The following PCNX2 variants were observed in gnomAD, a reference collection of about 807,000 sequenced individuals.
The protein encoded by PCNX2 is pecanex-like protein 2.
Under a neutral mutation model 223.8 loss-of-function variants are expected in PCNX2, and 168 were observed. That is an observed-to-expected ratio of 0.75 (90% CI 0.66 to 0.85). The LOEUF (loss-of-function observed/expected upper bound fraction) is 0.85. Among genes scored for constraint, PCNX2 ranks in the 40% least tolerant of loss-of-function variants. The pLI is 0.00. For missense variants in PCNX2, 2,507 were observed against 2,675.5 expected, an observed-to-expected ratio of 0.94 and a Z score of 1.39; for synonymous variants, 1,006 against 1,052.6, an observed-to-expected ratio of 0.96 and a Z score of 0.86.
intron 23 of PCNX2, among the ~76,000 whole-genome samples, chr1:233,076,267 G>A (rs1271604841): frequency 6.6e-6 from 1 of 152,176 alleles, no homozygotes; most frequent in African/African-American, 2.4e-5. Flanking sequence ...ATGAAGACAT[G>A]TTTATTTCAT....
intron 10 of PCNX2, among the ~76,000 whole-genome samples, chr1:233,220,890 T>C (rs1361956200): frequency 6.6e-6 from 1 of 152,192 alleles, no homozygotes; most frequent in Non-Finnish European, 1.5e-5. Context: ...TTCAGATAGA[T>C]AGCTATAGAG....
At chr1:233,064,568 A>C (rs564875716) in intron 23 of PCNX2, among the ~76,000 whole-genome samples, 2 of 152,146 alleles carry the variant, frequency 1.3e-5, no homozygotes, top group Non-Finnish European at 2.9e-5. Context: ...CCTGGCATAG[A>C]TTTTAAAATG....
At chr1:233,281,948 G>C (rs755073075) in intron 1 of PCNX2, among the ~76,000 whole-genome samples, 2 of 152,126 alleles carry the variant, frequency 1.3e-5, no homozygotes, top group Non-Finnish European at 2.9e-5. Flanking sequence ...CTGATCTTGA[G>C]GGAGGAATAA....
intron 32 of PCNX2, among the ~76,000 whole-genome samples, chr1:232,997,696 C>T (rs887992835): frequency 6.6e-6 from 1 of 152,192 alleles, no homozygotes; most frequent in Non-Finnish European, 1.5e-5. Context: ...TTAGTTTAAA[C>T]ATAATTTTAA....
chr1:233,136,224 C>G (rs531471248), intron 20 of PCNX2, among the ~76,000 whole-genome samples: 1 of 152,274 alleles, frequency 6.6e-6, no homozygotes, highest in Admixed American at 6.5e-5. Context: ...GGGAAAATTT[C>G]TAGAAAATGG....
intron 8 of PCNX2, among the ~76,000 whole-genome samples, chr1:233,246,606 CG>C (rs1348696319): frequency 6.6e-6 from 1 of 152,160 alleles, no homozygotes; most frequent in Non-Finnish European, 1.5e-5. Flanking sequence ...TGTTACTACC[CG>C]AACTACTGAA....
Position 233,233,073 on chromosome 1 carries a change from T to C in PCNX2, c.2358+3772A>G, listed in dbSNP as rs1658166450. 11 of 962,346 alleles carry C rather than the reference T, an allele frequency of 1.1e-5. No homozygotes were observed. The South Asian group carries it at 5.3e-4, about 46-fold the overall frequency. 59.6% of individuals were successfully genotyped at this position (962,346 alleles called of 1,614,324 possible). On this transcript the variant is annotated intron_variant, in intron 9 of 33. Transcript: ENST00000258229. The stretch of plus-strand genomic sequence containing the variant: ...TGCCCTTGGGTAGACTGCACCTGCC[T>C]CTCAACCAGCAGTGTAATAAGCAAA...
At chr1:233,188,546 G>A (rs1016952577) in intron 15 of PCNX2, among the ~76,000 whole-genome samples, 4 of 151,926 alleles carry the variant, frequency 2.6e-5, no homozygotes, top group East Asian at 1.9e-4. Context: ...TTTTTGAGAC[G>A]GAGTCTTGCT....
At chr1:233,226,842 T>C (rs1421985029) in intron 10 of PCNX2, among the ~76,000 whole-genome samples, 5 of 152,172 alleles carry the variant, frequency 3.3e-5, no homozygotes, top group African/African-American at 7.2e-5. Flanking sequence ...CCAGGCCCTG[T>C]GCTACAGATG....
intron 21 of PCNX2, among the ~76,000 whole-genome samples, chr1:233,107,353 A>T (rs893264858): frequency 2.6e-5 from 4 of 152,134 alleles, no homozygotes; most frequent in African/African-American, 7.2e-5. Context: ...AAGCCACTCC[A>T]TTCCAGCCTG....
At chr1:233,166,858 T>C (rs1379967606) in intron 17 of PCNX2, among the ~76,000 whole-genome samples, 3 of 152,016 alleles carry the variant, frequency 2.0e-5, no homozygotes, top group Admixed American at 1.3e-4. Flanking sequence ...AATTTAAAAA[T>C]AGGCCAGGTG....
intron 17 of PCNX2, among the ~76,000 whole-genome samples, chr1:233,171,657 GA>G (rs1003281744): frequency 1.2e-4 from 18 of 152,246 alleles, no homozygotes; most frequent in African/African-American, 3.9e-4. Context: ...GTCTGGTGCG[GA>G]TTCTTTTTTC....
intron 30 of PCNX2, chr1:232,999,602 T>C (rs112177002): frequency 5.3e-4 from 273 of 511,150 alleles, no homozygotes; most frequent in Non-Finnish European, 8.5e-4. Context: ...TACAGGCATG[T>C]GCCAACACAC....
chr1:233,203,107 G>A (rs998553471), intron 13 of PCNX2, among the ~76,000 whole-genome samples: 2 of 152,210 alleles, frequency 1.3e-5, no homozygotes, highest in Admixed American at 6.5e-5. Flanking sequence ...GCTATTGTGT[G>A]TACTAGCACT....
chr1:233,264,306 G>A (rs58118037), intron 1 of PCNX2, among the ~76,000 whole-genome samples: 1,781 of 152,242 alleles, frequency 0.012, 33 homozygotes, highest in African/African-American at 0.04. Context: ...TCAATGATTC[G>A]CAAGACCATT....
At chr1:233,087,077 C>A (rs10752798) in intron 23 of PCNX2, 645,990 of 984,908 alleles carry the variant, frequency 0.66, 212,900 homozygotes, top group African/African-American at 0.68. Context: ...GTTTCAGGAC[C>A]GGCCAGTTCA....
chr1:233,092,943 C>T (rs1391356451), intron 22 of PCNX2, among the ~76,000 whole-genome samples: 6 of 152,222 alleles, frequency 3.9e-5, no homozygotes, highest in Non-Finnish European at 5.9e-5. Context: ...GGTACACAGG[C>T]GCCCACTACC....
chr1:232,998,143 A>G (rs1669942045), intron 32 of PCNX2, 108 bp downstream of exon 32: 4 of 1,195,046 alleles, frequency 3.3e-6, no homozygotes, highest in African/African-American at 1.6e-5. Context: ...TATTGTCCCA[A>G]TGCAAGAAGG....
At chr1:233,056,023 C>G (rs1270826156) in intron 24 of PCNX2, among the ~76,000 whole-genome samples, 1 of 152,162 alleles carries the variant, frequency 6.6e-6, no homozygotes, top group African/African-American at 2.4e-5. Flanking sequence ...TGAATCAAAA[C>G]TAGAGCATTT....
Sources: allele counts gnomAD v4.1 joint callset (sites outside exome capture counted in the v4.1 genomes callset), GRCh38; gene constraint gnomAD v4.1.1; transcripts MANE v1.5; gene names NCBI Gene and HGNC (gene_info 2026-07-23, HGNC 2026-07-21).